CAMTA1: variants seen among roughly 807,000 people sequenced by gnomAD.
CAMTA1 encodes calmodulin binding transcription activator 1.
Under a neutral mutation model 170.9 loss-of-function variants are expected in CAMTA1, and 27 were observed. The ratio of observed to expected loss-of-function variants is 0.16; its 90% confidence interval spans 0.12 to 0.22. The LOEUF (loss-of-function observed/expected upper bound fraction) is 0.22, where lower values mean the gene tolerates loss of function less well. Ranked by LOEUF, CAMTA1 falls within the 10% of genes least tolerant of loss-of-function variation. The pLI, the probability that CAMTA1 is intolerant of heterozygous loss-of-function variation, is 1.00. For synonymous variants in CAMTA1, 833 were observed against 891.5 expected, an observed-to-expected ratio of 0.93 and a Z score of 1.17; for missense variants, 1,619 against 2,217.2, an observed-to-expected ratio of 0.73 and a Z score of 5.42.
At chr1:7,734,951 T>C (rs939942024) in intron 12 of CAMTA1, among the ~76,000 whole-genome samples, 4 of 152,238 alleles carry the variant, frequency 2.6e-5, no homozygotes, top group Non-Finnish European at 5.9e-5. Flanking sequence ...ACATAAGCTG[T>C]TGAAGTTACT....
intron 6 of CAMTA1, among the ~76,000 whole-genome samples, chr1:7,583,117 C>A (rs2095275705): frequency 6.6e-6 from 1 of 152,048 alleles, no homozygotes; most frequent in Non-Finnish European, 1.5e-5. Flanking sequence ...AGCGCCCTGT[C>A]TTTATCAGCA....
At chr1:7,469,140 G>C (rs575987838) in intron 6 of CAMTA1, among the ~76,000 whole-genome samples, 1 of 152,174 alleles carries the variant, frequency 6.6e-6, no homozygotes, top group African/African-American at 2.4e-5. Context: ...CCGGGGACGT[G>C]CTGATTTGCA....
At chr1:7,354,732 T>A (rs1453763022) in intron 5 of CAMTA1, among the ~76,000 whole-genome samples, 1 of 152,224 alleles carries the variant, frequency 6.6e-6, no homozygotes, top group Admixed American at 6.5e-5. Context: ...GCATCTGTTA[T>A]GTTTTGACTT....
chr1:7,475,713 T>C (rs1200515928), intron 6 of CAMTA1, among the ~76,000 whole-genome samples: 1 of 152,172 alleles, frequency 6.6e-6, no homozygotes, highest in Non-Finnish European at 1.5e-5. Context: ...AGGCCTGGCT[T>C]TTGGTTCTCA....
In CAMTA1 at chr1:7,663,624, T is replaced by G. The variant is rs138796577; in HGVS notation, c.1077T>G (p.Pro359=). ...VEVPDTTQSS[P]VSISSGLNSD... is the part of the protein sequence containing the mutation. ...TCCCCGACACCACCCAGAGCTCCCCTGTGTCCATCAGCAGCGGGCTCAACA... is the reference window on the plus strand; with the variant it reads ...TCCCCGACACCACCCAGAGCTCCCCGGTGTCCATCAGCAGCGGGCTCAACA... The change falls in exon 9 of 23, where the codon CCT becomes CCG. Residue 359 remains proline (P), a synonymous_variant. Coordinates refer to ENST00000303635, the MANE Select transcript of CAMTA1 (RefSeq NM_015215.4). 22 of 1,614,108 alleles carry G rather than the reference T, an allele frequency of 1.4e-5. No individual in the cohort carries two copies. The African/African-American group carries it at 2.5e-4, about 19-fold the overall frequency.
rs2239847 is a variant in CAMTA1 at position 7,738,733 on chromosome 1, T to C, written c.4182+251T>C. ...AAAGCCTTCCCTCTTTGTACCAACT[T>C]CTCAGAACTCACTGAGGACCCTACA... On this transcript the variant is annotated intron_variant, in intron 16 of 22. Coordinates refer to ENST00000303635, the MANE Select transcript of CAMTA1 (RefSeq NM_015215.4). The surrounding 1 kb of genome is among the most constrained non-coding windows in gnomAD (Gnocchi z 4.9). Among the ~76,000 whole-genome samples, 76,736 of 151,874 alleles carry C rather than the reference T, an allele frequency of 0.51. 19,538 individuals carry two copies. Among genetic ancestry groups the C allele is most frequent in the Admixed American group, 0.6 (9,181 of 15,260 alleles).
At position 7,642,304 on chromosome 1, in the gene CAMTA1, C is replaced by T. The variant is rs1257648282; in HGVS notation, c.664+1751C>T. Among the ~76,000 whole-genome samples the T allele has an allele frequency of 6.6e-6, 1 of 152,184 alleles. No individual in the cohort carries two copies. Among genetic ancestry groups the T allele is most frequent in the Non-Finnish European group, 1.5e-5 (1 of 68,018 alleles). On this transcript the variant is annotated intron_variant, in intron 7 of 22. Transcript: ENST00000303635. This position sits in a 1 kb window ranked among gnomAD's most constrained non-coding sequence, Gnocchi z 6.3. ...CTCTCTGCACAGTGCTGGGTGTGCA[C>T]AAGGCCCTGGAAATAGCCCTGGAAT...
intron 4 of CAMTA1, among the ~76,000 whole-genome samples, chr1:7,095,234 AC>A (rs895918289): frequency 1.9e-4 from 29 of 152,140 alleles, no homozygotes; most frequent in African/African-American, 6.3e-4. Context: ...TTCATGGGGC[AC>A]CCCCAGCTCC....
At position 7,093,650 on chromosome 1, in the gene CAMTA1, A is replaced by G. The variant is rs553193744; in HGVS notation, c.302+2279A>G. On this transcript the variant is annotated intron_variant, in intron 4 of 22. Transcript: ENST00000303635. This position sits in a 1 kb window ranked among gnomAD's most constrained non-coding sequence, Gnocchi z 4.6. ...AGTTTCAGCCTTTGGAATTTGGGTT[A>G]CAATTGAGAAGGGGATGTCACTCAG... 2.6e-5 allele frequency among the ~76,000 whole-genome samples: 4 copies of G among 152,274 alleles called. No individual in the cohort carries two copies. The highest frequency in any genetic ancestry group is 1.3e-4 in the Admixed American group (2 of 15,306).
intron 6 of CAMTA1, among the ~76,000 whole-genome samples, chr1:7,469,735 T>C (rs2093293777): frequency 6.6e-6 from 1 of 152,226 alleles, no homozygotes; most frequent in Non-Finnish European, 1.5e-5. Context: ...CATCATGCCC[T>C]TGTGGCTTTT....
intron 4 of CAMTA1, among the ~76,000 whole-genome samples, chr1:7,136,857 G>A (rs569355040): frequency 6.6e-6 from 1 of 152,306 alleles, no homozygotes; most frequent in Admixed American, 6.5e-5. Flanking sequence ...TAAGGCTGGA[G>A]CGCCCAGGGT....
intron 16 of CAMTA1, among the ~76,000 whole-genome samples, chr1:7,743,699 G>T (rs1312705700): frequency 6.6e-6 from 1 of 152,060 alleles, no homozygotes; most frequent in Non-Finnish European, 1.5e-5. Context: ...TTAAGAACCC[G>T]AAGTGCTGTG....
Position 7,162,038 on chromosome 1 carries a change from A to AT in CAMTA1, c.302+70669dup, listed in dbSNP as rs528124049. On this transcript the variant is annotated intron_variant, in intron 4 of 22. Coordinates refer to ENST00000303635, the MANE Select transcript of CAMTA1 (RefSeq NM_015215.4). ...AGATGAAGAAACTAGCCCTGCAAAG[A>AT]TTAGAGGGAAGGACAGCCCTGGCAG... Among the ~76,000 whole-genome samples the AT allele has an allele frequency of 5.5e-4, 83 of 152,284 alleles. 3 individuals carry two copies. The Middle Eastern group carries it at 0.027, about 50-fold the overall frequency.
Position 7,216,438 on chromosome 1 carries a change from C to T in CAMTA1, c.303-33053C>T, listed in dbSNP as rs1185488518. On this transcript the variant is annotated intron_variant, in intron 4 of 22. Transcript: ENST00000303635. This position sits in a 1 kb window ranked among gnomAD's most constrained non-coding sequence, Gnocchi z 4.0. ...TATCTGGTTTCTCTTGTACTGACAG[C>T]GGTGTGGTAAACACACTATTCTTAG... is the stretch of plus-strand genomic sequence containing the variant. 4.6e-5 allele frequency among the ~76,000 whole-genome samples: 7 copies of T among 151,896 alleles called. No homozygotes were observed. Among genetic ancestry groups the T allele is most frequent in the South Asian group, 4.2e-4 (2 of 4,752 alleles).
intron 6 of CAMTA1, among the ~76,000 whole-genome samples, chr1:7,492,672 C>CACACAT (rs532146905): frequency 0.013 from 1,917 of 144,986 alleles, 44 homozygotes; most frequent in African/African-American, 0.044. Context: ...CATACGAACA[C>CACACAT]ACACACACAA....
At chr1:6,852,591 A>T (rs943180099) in intron 3 of CAMTA1, among the ~76,000 whole-genome samples, 1 of 152,218 alleles carries the variant, frequency 6.6e-6, no homozygotes, top group Non-Finnish European at 1.5e-5. Flanking sequence ...TGTTGATTAT[A>T]CAGAATACAA....
chr1:6,976,937 T>A (rs1693536988), intron 3 of CAMTA1, among the ~76,000 whole-genome samples: 2 of 152,198 alleles, frequency 1.3e-5, no homozygotes, highest in African/African-American at 4.8e-5. Flanking sequence ...TAAAGGGCAG[T>A]TCCCCTGCAC....
At chr1:7,431,123 A>T (rs1405672409) in intron 5 of CAMTA1, among the ~76,000 whole-genome samples, 2 of 152,234 alleles carry the variant, frequency 1.3e-5, no homozygotes, top group Non-Finnish European at 2.9e-5. Context: ...AGGACACTTT[A>T]TGAGGACTCA....
intron 22 of CAMTA1, among the ~76,000 whole-genome samples, chr1:7,758,515 C>G (rs1271542727): frequency 6.6e-6 from 1 of 152,180 alleles, no homozygotes; most frequent in African/African-American, 2.4e-5. Context: ...ATCTTCTCTC[C>G]CTCGTTCTTC....
Sources: allele counts gnomAD v4.1 joint callset (sites outside exome capture counted in the v4.1 genomes callset), GRCh38; gene constraint gnomAD v4.1.1; non-coding constraint Gnocchi (gnomAD v3.1); transcripts MANE v1.5; gene names NCBI Gene and HGNC (gene_info 2026-07-23, HGNC 2026-07-21).